The following GRID2 variants were observed in gnomAD, a reference collection of about 807,000 sequenced individuals.
GRID2 encodes glutamate ionotropic receptor delta type subunit 2, also known as glutamate receptor ionotropic, delta-2.
Under a neutral mutation model 114.8 loss-of-function variants are expected in GRID2, and 33 were observed. The ratio of observed to expected loss-of-function variants is 0.29; its 90% CI spans 0.22 to 0.38. The LOEUF (loss-of-function observed/expected upper bound fraction) is 0.38. GRID2 is among the 10% of genes least tolerant of loss of function. The pLI is 1.00. For missense variants in GRID2, 1,184 were observed against 1,257.7 expected (o/e 0.94, Z 0.89); for synonymous variants, 505 against 449.9 (o/e 1.12, Z -1.55).
chr4:92,388,876 G>C (rs866414942), intron 1 of GRID2, among the ~76,000 whole-genome samples: 1 of 151,968 alleles, frequency 6.6e-6, no homozygotes, highest in South Asian at 2.1e-4. Context: ...ATTGGGAAAT[G>C]TTAACAAGTG....
chr4:93,536,975 GTC>G (rs1332855560), intron 13 of GRID2, among the ~76,000 whole-genome samples: 1 of 151,294 alleles, frequency 6.6e-6, no homozygotes, highest in Admixed American at 6.6e-5. Context: ...AATTTTTGAT[GTC>G]TCTGCATTTT....
At chr4:92,610,946 G>T (rs561178075) in intron 2 of GRID2, among the ~76,000 whole-genome samples, 3 of 151,572 alleles carry the variant, frequency 2.0e-5, no homozygotes, top group African/African-American at 7.2e-5. Flanking sequence ...TGTTTTTCCA[G>T]TCAATAATTG....
At chr4:92,469,984 A>G (rs765573302) in intron 1 of GRID2, among the ~76,000 whole-genome samples, 1 of 152,000 alleles carries the variant, frequency 6.6e-6, no homozygotes, top group Non-Finnish European at 1.5e-5. Context: ...CTTGTAGTCT[A>G]TAAGTTATCC....
At chr4:92,587,934 G>A (rs1015275613) in intron 1 of GRID2, among the ~76,000 whole-genome samples, 1 of 152,144 alleles carries the variant, frequency 6.6e-6, no homozygotes, top group African/African-American at 2.4e-5. Context: ...GACTCATTTA[G>A]AACCCACGAC....
At chr4:92,823,426 G>T (rs1049656423) in intron 2 of GRID2, among the ~76,000 whole-genome samples, 6 of 152,088 alleles carry the variant, frequency 3.9e-5, no homozygotes, top group Admixed American at 1.3e-4. Context: ...ATAACTTATT[G>T]AATCCGTAAT....
intron 1 of GRID2, among the ~76,000 whole-genome samples, chr4:92,533,446 C>CACATACATACAT (rs71579567): frequency 0.026 from 3,850 of 150,004 alleles, 67 homozygotes; most frequent in Non-Finnish European, 0.036. Context: ...AGTACTAGGA[C>CACATACATACAT]ACATACATAC....
At chr4:92,679,164 C>G (rs1733526651) in intron 2 of GRID2, among the ~76,000 whole-genome samples, 1 of 151,974 alleles carries the variant, frequency 6.6e-6, no homozygotes, top group South Asian at 2.1e-4. Context: ...AGTCTTTGGT[C>G]AAGCCTTGAA....
chr4:92,946,657 C>G (rs757521613), intron 2 of GRID2, among the ~76,000 whole-genome samples: 2 of 152,044 alleles, frequency 1.3e-5, no homozygotes, highest in African/African-American at 4.8e-5. Context: ...TTCTTCACCT[C>G]TAAGACATAA....
Position 92,530,573 on chromosome 4 carries a change from C to T in GRID2, c.89-59558C>T, listed in dbSNP as rs117093441. 6.9e-4 allele frequency among the ~76,000 whole-genome samples: 102 copies of T among 148,580 alleles called. No individual in the cohort carries two copies. The East Asian group carries it at 0.015, about 22-fold the overall frequency. ...ATCAAATAAATTTTGTAGAATTTGT[C>T]TGGGTCCTTATTTGTCCAAGTTAAC... On this transcript the variant is annotated intron_variant, in intron 1 of 15. Transcript: ENST00000282020.
intron 8 of GRID2, among the ~76,000 whole-genome samples, chr4:93,370,476 GACACACAC>G (rs201475954): frequency 2.2e-5 from 3 of 139,238 alleles, no homozygotes; most frequent in South Asian, 2.3e-4. Flanking sequence ...CGCACACAGA[GACACACAC>G]ACACACGCAC....
chr4:92,839,916 T>C (rs1314608552), intron 2 of GRID2, among the ~76,000 whole-genome samples: 1 of 152,050 alleles, frequency 6.6e-6, no homozygotes, highest in East Asian at 1.9e-4. Flanking sequence ...GAAAGTGGGG[T>C]GTTGAATTCT....
intron 9 of GRID2, among the ~76,000 whole-genome samples, chr4:93,409,107 A>T (rs1032767779): frequency 2.1e-4 from 32 of 152,150 alleles, no homozygotes; most frequent in African/African-American, 7.7e-4. Context: ...ACTTAATACC[A>T]TTGGGAGGAA....
intron 14 of GRID2, among the ~76,000 whole-genome samples, chr4:93,683,012 G>A (rs1018796263): frequency 2.6e-5 from 4 of 151,550 alleles, no homozygotes; most frequent in Non-Finnish European, 5.9e-5. Context: ...AAAAACTGAG[G>A]GAAATATGAT....
chr4:93,632,497 T>A (rs62320928), intron 14 of GRID2, among the ~76,000 whole-genome samples: 42,318 of 152,026 alleles, frequency 0.28, 6,238 homozygotes, highest in East Asian at 0.59. Context: ...TTCTTGTTTT[T>A]GTCAGGTTTG....
At chr4:93,699,937 C>A (rs1435217173) in intron 14 of GRID2, among the ~76,000 whole-genome samples, 1 of 151,990 alleles carries the variant, frequency 6.6e-6, no homozygotes, top group African/African-American at 2.4e-5. Context: ...GACTTCTAAC[C>A]AACTGAAATT....
At chr4:92,584,322 T>G (rs556958597) in intron 1 of GRID2, among the ~76,000 whole-genome samples, 1 of 152,124 alleles carries the variant, frequency 6.6e-6, no homozygotes, top group African/African-American at 2.4e-5. Flanking sequence ...ATCTCTTGAC[T>G]TGGATATATG....
rs923053309 is a variant in GRID2 at position 93,179,955 on chromosome 4, A to T, written c.736-27449A>T. 8.1e-4 allele frequency among the ~76,000 whole-genome samples: 124 copies of T among 152,262 alleles called. 1 individual carries two copies. Among genetic ancestry groups the T allele is most frequent in the African/African-American group, 3.0e-3 (123 of 41,556 alleles). On this transcript the variant is annotated intron_variant, in intron 4 of 15. Coordinates refer to ENST00000282020, the MANE Select transcript of GRID2 (RefSeq NM_001510.4). ...TGTATTTAAAGAAAGATAAAATCTG[A>T]ATTTTGCATTCTAACTCTCGGAATA...
chr4:93,275,812 G>T (rs963687425), intron 8 of GRID2, among the ~76,000 whole-genome samples: 2 of 151,536 alleles, frequency 1.3e-5, no homozygotes, highest in Admixed American at 1.3e-4. Flanking sequence ...TTTAAATCGG[G>T]TTATTTTTCT....
At chr4:92,704,447 C>G (rs758720061) in intron 2 of GRID2, among the ~76,000 whole-genome samples, 2 of 152,132 alleles carry the variant, frequency 1.3e-5, no homozygotes, top group Non-Finnish European at 2.9e-5. Context: ...AATGAGAACA[C>G]ATTTTCTGTA....
Sources: allele counts gnomAD v4.1 joint callset (sites outside exome capture counted in the v4.1 genomes callset), GRCh38; gene constraint gnomAD v4.1.1; transcripts MANE v1.5; gene names NCBI Gene and HGNC (gene_info 2026-07-23, HGNC 2026-07-21).